PLA2G4C: variants seen among roughly 807,000 people sequenced by gnomAD.
PLA2G4C encodes cytosolic phospholipase A2 gamma.
PLA2G4C carries 64 observed loss-of-function variants against 73.8 expected under a neutral mutation model. The ratio of observed to expected loss-of-function variants is 0.87; its 90% confidence interval spans 0.71 to 1.07. The LOEUF is 1.07. Ranked by LOEUF, PLA2G4C falls within the 50% of genes least tolerant of loss-of-function variation. The pLI is 0.00. For synonymous variants in PLA2G4C, 254 were observed against 252.1 expected (o/e 1.01, Z -0.07); for missense variants, 622 against 665.4 (o/e 0.93, Z 0.72).
At chr19:48,084,635 C>T (rs114827049) in intron 10 of PLA2G4C, among the ~76,000 whole-genome samples, 4,185 of 152,336 alleles carry the variant, frequency 0.027, 149 homozygotes, top group African/African-American at 0.084. Flanking sequence ...GTTGCGATTA[C>T]GGGTGTCAGC....
At chr19:48,073,993 T>A (rs564052588) in intron 12 of PLA2G4C, among the ~76,000 whole-genome samples, 3 of 149,918 alleles carry the variant, frequency 2.0e-5, no homozygotes, top group African/African-American at 5.1e-5. Context: ...AATTTAATTT[T>A]AAGTTCCGGG....
rs2122515322 is a variant in PLA2G4C, at chr19:48,067,727, TC to T, written c.1102+63del. 3.7e-6 allele frequency: 4 copies of T among 1,086,656 alleles called. No individual in the cohort carries two copies. The East Asian group carries it at 7.1e-5, about 19-fold the overall frequency. The allele number at this position is 1,086,656 out of a possible 1,614,324, so 67.3% of individuals were successfully genotyped here. A position where few individuals can be genotyped will look rare whatever the true frequency, so the allele number is the denominator to read the frequency against. On this transcript the variant is annotated intron_variant, in intron 13 of 16. Coordinates refer to ENST00000599921, the MANE Select transcript of PLA2G4C (RefSeq NM_003706.3). Reference sequence around the variant, plus strand: ...TGGGATTGTTTCAGGCCCACCCCCTTCCCCTACTCCAGCCCATTCACACGCA... The same window carrying T: ...TGGGATTGTTTCAGGCCCACCCCCTTCCCTACTCCAGCCCATTCACACGCA...
At chr19:48,085,794 G>A (rs560267359) in intron 9 of PLA2G4C, among the ~76,000 whole-genome samples, 4 of 152,134 alleles carry the variant, frequency 2.6e-5, no homozygotes, top group South Asian at 4.1e-4. Context: ...CAGGACACAC[G>A]CCCCCACCAC....
rs775130071 is a variant in PLA2G4C, at chr19:48,104,694, C to T, written c.151G>A (p.Gly51Arg). Residue 51 changes from glycine (G) to arginine (R), a missense_variant, in exon 4 of 17, where the codon GGA becomes AGA. Transcript: ENST00000599921. ...APVVAVLGSG[G>R]GLRAHIACLG... ...CAGGCAATGTGAGCCCGCAGTCCTC[C>T]GCCTGAGCCCAGCACAGCAACAACT... 91 of 1,613,940 alleles carry T rather than the reference C, an allele frequency of 5.6e-5. No individual in the cohort carries two copies. The Middle Eastern group carries it at 1.5e-3, about 26-fold the overall frequency.
At chr19:48,094,773 T>C (rs1207325477) in intron 7 of PLA2G4C, among the ~76,000 whole-genome samples, 1 of 152,242 alleles carries the variant, frequency 6.6e-6, no homozygotes, top group Admixed American at 6.5e-5. Context: ...TATGACTGTT[T>C]TGTTTTTGGT....
In PLA2G4C at chr19:48,053,739, G is replaced by T. The variant is rs763726003; in HGVS notation, c.1430-592C>A. On this transcript the variant is annotated intron_variant, in intron 15 of 16. Coordinates refer to ENST00000599921, the MANE Select transcript of PLA2G4C (RefSeq NM_003706.3). ...TGGAACCATGGCTGATGCAGCATAG[G>T]TAACCAATAAATGTTCGTTAAATGA... 1.8e-4 allele frequency among the ~76,000 whole-genome samples: 27 copies of T among 152,236 alleles called. 1 individual carries two copies. In the South Asian group the frequency reaches 3.5e-3, roughly 20 times the overall value.
chr19:48,082,959 G>A (rs1600215351), intron 10 of PLA2G4C, among the ~76,000 whole-genome samples: 6 of 150,534 alleles, frequency 4.0e-5, no homozygotes, highest in Admixed American at 1.3e-4. Context: ...GACTACAGGC[G>A]CCCGCCACTA....
intron 7 of PLA2G4C, among the ~76,000 whole-genome samples, chr19:48,091,468 G>A (rs1480151451): frequency 2.0e-5 from 3 of 152,106 alleles, no homozygotes; most frequent in African/African-American, 7.2e-5. Flanking sequence ...GATTTCAGCT[G>A]TGAGTCACGG....
At position 48,098,277 on chromosome 19, in the gene PLA2G4C, A is replaced by C. The variant is rs192484834; in HGVS notation, c.448-18T>G. 39 of 1,603,098 alleles carry C rather than the reference A, an allele frequency of 2.4e-5. No individual in the cohort carries two copies. The highest frequency in any genetic ancestry group is 3.3e-4 in the Middle Eastern group (2 of 6,006). On this transcript the variant is annotated intron_variant, in intron 5 of 16. Transcript: ENST00000599921. The stretch of plus-strand genomic sequence containing the variant: ...TCCGGCAGCTTTGGGAGAAGGTGCC[A>C]AGACAGTGTGAGGGAGGCATGTGGG...
At position 48,099,261 on chromosome 19, in the gene PLA2G4C, C is replaced by A. The variant is rs113846878; in HGVS notation, c.447+410G>T. 9.9e-5 allele frequency among the ~76,000 whole-genome samples: 15 copies of A among 151,872 alleles called. 2 individuals carry two copies. The highest frequency in any genetic ancestry group is 3.6e-4 in the African/African-American group (15 of 41,392). On this transcript the variant is annotated intron_variant, in intron 5 of 16. Coordinates refer to ENST00000599921, the MANE Select transcript of PLA2G4C (RefSeq NM_003706.3). ...TCCAGCCTGGGTGACAGAGCAAGAC[C>A]CTGTCTCAAAAATAAAATGAAATAA...
intron 16 of PLA2G4C, chr19:48,051,708 T>A (rs573558985): frequency 6.6e-6 from 1 of 151,840 alleles, no homozygotes; most frequent in African/African-American, 2.4e-5. Flanking sequence ...TCTTGACATG[T>A]GGGGATTACA....
rs78473676 is a variant in PLA2G4C, at chr19:48,098,998, G to T, written c.447+673C>A. Among the ~76,000 whole-genome samples, 51 of 152,152 alleles carry T rather than the reference G, an allele frequency of 3.4e-4. 1 individual carries two copies. In the East Asian group the frequency reaches 9.7e-3, roughly 29 times the overall value. On this transcript the variant is annotated intron_variant, in intron 5 of 16. Transcript: ENST00000599921. ...ACACGTAATCCCAGCACTTCGGGAG[G>T]CTGAGATAGGAGGATCACTTGAACC... is the stretch of plus-strand genomic sequence containing the variant.
intron 8 of PLA2G4C, among the ~76,000 whole-genome samples, chr19:48,089,424 C>A (rs1235516805): frequency 2.6e-5 from 4 of 152,030 alleles, no homozygotes; most frequent in African/African-American, 9.7e-5. Context: ...CTCAAAAAAA[C>A]AAACAACAAA....
chr19:48,100,035 G>A (rs898088152), intron 4 of PLA2G4C, 175 bp from the exon 5 acceptor site: 18 of 498,370 alleles, frequency 3.6e-5, no homozygotes, highest in Admixed American at 1.5e-4. Flanking sequence ...GATCAAGTTC[G>A]AAGGAGGACT....
chr19:48,067,890 G>A lies in PLA2G4C; in HGVS notation c.1007-4C>T. On this transcript the variant is annotated splice_polypyrimidine_tract_variant and splice_region_variant and intron_variant, in intron 12 of 16. Coordinates refer to ENST00000599921, the MANE Select transcript of PLA2G4C (RefSeq NM_003706.3). The stretch of plus-strand genomic sequence containing the variant: ...TCCATCAAGTTACTGAGTGAGCCTA[G>A]GGAAAGAAGCCGAGACAGCCAAGGT... The A allele has an allele frequency of 1.9e-6, 3 of 1,609,230 alleles. No homozygotes were observed. The highest frequency in any genetic ancestry group is 2.6e-6 in the Non-Finnish European group (3 of 1,175,502).
intron 11 of PLA2G4C, among the ~76,000 whole-genome samples, chr19:48,075,157 T>C (rs1219668651): frequency 2.3e-5 from 1 of 43,400 alleles, no homozygotes; most frequent in Admixed American, 2.6e-4. Flanking sequence ...GTCTCCCATT[T>C]ATTTATTTAT....
Position 48,053,018 on chromosome 19 carries a change from C to A in PLA2G4C, c.1559G>T (p.Arg520Ile), listed in dbSNP as rs1328659824. 6.2e-6 allele frequency: 10 copies of A among 1,612,926 alleles called. No individual in the cohort carries two copies. The highest frequency in any genetic ancestry group is 1.7e-5 in the Admixed American group (1 of 59,966). ...NVRENKKKIL[R>I]ELMNVAGLYY... ...CTACCCGGCCACGTTCATCAACTCT[C>A]TAAGGATCTTCTTCTTGTTTTCCCT... is the stretch of plus-strand genomic sequence containing the variant. Residue 520 changes from arginine (R) to isoleucine (I), a missense_variant, in exon 16 of 17, where the codon AGA becomes ATA. Arg to Ile is a moderately conservative substitution (Grantham distance 97, BLOSUM62 -3). Transcript: ENST00000599921.
At chr19:48,083,065 C>T (rs961532710) in intron 10 of PLA2G4C, among the ~76,000 whole-genome samples, 8 of 149,934 alleles carry the variant, frequency 5.3e-5, no homozygotes, top group Non-Finnish European at 7.4e-5. Flanking sequence ...CCACCCGCCT[C>T]GGCCCCCACA....
At chr19:48,049,236 G>A (rs1009380781) in intron 16 of PLA2G4C, among the ~76,000 whole-genome samples, 8 of 152,120 alleles carry the variant, frequency 5.3e-5, no homozygotes, top group African/African-American at 1.9e-4. Flanking sequence ...CACAGATCAA[G>A]GTCTTTCCCA....
Sources: allele counts gnomAD v4.1 joint callset (sites outside exome capture counted in the v4.1 genomes callset), GRCh38; gene constraint gnomAD v4.1.1; transcripts MANE v1.5; gene names NCBI Gene and HGNC (gene_info 2026-07-23, HGNC 2026-07-21).